Variants in ROBO1 observed in about 807,000 individuals in gnomAD.
The protein encoded by ROBO1 is roundabout guidance receptor 1.
A neutral mutation model predicts 195.9 loss-of-function variants in ROBO1; 149 were observed. The ratio of observed to expected loss-of-function variants is 0.76; its 90% CI spans 0.67 to 0.87. The LOEUF is 0.87. Among genes scored for constraint, ROBO1 ranks in the 40% least tolerant of loss-of-function variants. The pLI, the probability that ROBO1 is intolerant of heterozygous loss-of-function variation, is 0.00. For synonymous variants in ROBO1, 816 were observed against 733.2 expected, an observed-to-expected ratio of 1.11 and a Z score of -1.82; for missense variants, 1,933 against 2,068.3, an observed-to-expected ratio of 0.93 and a Z score of 1.27.
At chr3:79,165,618 G>A (rs1034329366) in intron 2 of ROBO1, among the ~76,000 whole-genome samples, 1 of 152,170 alleles carries the variant, frequency 6.6e-6, no homozygotes, top group Non-Finnish European at 1.5e-5. Flanking sequence ...TGAAAGAACG[G>A]AATTTCCCCT....
At chr3:79,128,740 T>A (rs1389588263) in intron 2 of ROBO1, among the ~76,000 whole-genome samples, 4 of 152,194 alleles carry the variant, frequency 2.6e-5, no homozygotes, top group African/African-American at 9.6e-5. Context: ...CTTGTGAATT[T>A]AGTGGCCATT....
intron 18 of ROBO1, among the ~76,000 whole-genome samples, chr3:78,654,593 C>T (rs1282193049): frequency 6.6e-6 from 1 of 152,106 alleles, no homozygotes; most frequent in Admixed American, 6.5e-5. Flanking sequence ...AAGAGAGGTC[C>T]TATGCAAGCA....
chr3:79,639,429 A>G (rs925166574), intron 1 of ROBO1, among the ~76,000 whole-genome samples: 10 of 152,192 alleles, frequency 6.6e-5, no homozygotes, highest in Admixed American at 2.6e-4. Context: ...TGTAAGAAGA[A>G]AGAACATTTT....
At chr3:78,681,334 A>G (rs542816845) in intron 10 of ROBO1, among the ~76,000 whole-genome samples, 1 of 152,224 alleles carries the variant, frequency 6.6e-6, no homozygotes, top group South Asian at 2.1e-4. Flanking sequence ...AAAGTATAAT[A>G]ATAAAAAAAA....
chr3:79,222,477 T>A (rs957079791), intron 2 of ROBO1, among the ~76,000 whole-genome samples: 13 of 152,062 alleles, frequency 8.5e-5, no homozygotes, highest in African/African-American at 3.1e-4. Context: ...CCATTCAAAA[T>A]AAAATGCTGA....
rs933424172 is a variant in ROBO1, at chr3:79,076,830, C to T, written c.172+48626G>A. Among the ~76,000 whole-genome samples the T allele has an allele frequency of 2.8e-4, 43 of 151,540 alleles. 1 individual carries two copies. The highest frequency in any genetic ancestry group is 1.2e-4 in the African/African-American group (5 of 41,310). ...GAGGCCTTTTATTATTAATAGATAA[C>T]GTTGTAGAGGGAAATTCAAGTTTTG... On this transcript the variant is annotated intron_variant, in intron 3 of 30. Coordinates refer to ENST00000464233, the MANE Select transcript of ROBO1 (RefSeq NM_002941.4).
intron 27 of ROBO1, among the ~76,000 whole-genome samples, chr3:78,615,877 C>T (rs1008760836): frequency 3.3e-5 from 5 of 152,128 alleles, no homozygotes; most frequent in African/African-American, 9.6e-5. Flanking sequence ...TGACAAGCAC[C>T]GTCATTCCCT....
chr3:79,702,486 TC>T lies in ROBO1; in HGVS notation c.-51+65265del, dbSNP rs1175610573. On this transcript the variant is annotated intron_variant, in intron 1 of 30. Coordinates refer to ENST00000464233, the MANE Select transcript of ROBO1 (RefSeq NM_002941.4). Reference sequence around the variant, plus strand: ...TTTCTGATCCATTGAAGGTCACTGATCCCCTCAGTTCACAACAGCATACCTG... The same window carrying T: ...TTTCTGATCCATTGAAGGTCACTGATCCCTCAGTTCACAACAGCATACCTG... Among the ~76,000 whole-genome samples the T allele has an allele frequency of 2.6e-5, 4 of 151,964 alleles. No homozygotes were observed. The South Asian group carries it at 8.3e-4, about 31-fold the overall frequency.
intron 4 of ROBO1, among the ~76,000 whole-genome samples, chr3:78,748,001 T>C (rs369469329): frequency 6.6e-6 from 1 of 152,166 alleles, no homozygotes; most frequent in Non-Finnish European, 1.5e-5. Context: ...CAAAGTCCAA[T>C]AGTTATCATT....
chr3:79,564,252 G>A (rs1943019387), intron 2 of ROBO1, among the ~76,000 whole-genome samples: 2 of 152,018 alleles, frequency 1.3e-5, no homozygotes, highest in Admixed American at 1.3e-4. Context: ...GTGTGCATTG[G>A]TTCTGTCAAA....
chr3:78,634,449 A>G, intron 23 of ROBO1: 1 of 288,450 alleles, frequency 3.5e-6, no homozygotes, highest in Non-Finnish European at 7.5e-6. Context: ...TGAAAATCCA[A>G]ATGATAAGCT....
At chr3:78,910,102 G>C (rs2038157330) in intron 4 of ROBO1, among the ~76,000 whole-genome samples, 1 of 151,674 alleles carries the variant, frequency 6.6e-6, no homozygotes, top group African/African-American at 2.4e-5. Flanking sequence ...ATTACTTAAG[G>C]ATAAAGGATT....
chr3:78,678,208 C>T (rs1240966914), intron 10 of ROBO1, among the ~76,000 whole-genome samples: 4 of 151,184 alleles, frequency 2.6e-5, no homozygotes, highest in Admixed American at 2.0e-4. Context: ...ACTAAATGCC[C>T]ACAAGAGAAA....
intron 3 of ROBO1, among the ~76,000 whole-genome samples, chr3:79,070,899 TGA>T (rs1311720397): frequency 6.6e-6 from 1 of 151,840 alleles, no homozygotes; most frequent in African/African-American, 2.4e-5. Flanking sequence ...CTTTTTATAC[TGA>T]CTTTTAAAAT....
At chr3:79,240,877 A>G (rs1300078988) in intron 2 of ROBO1, among the ~76,000 whole-genome samples, 1 of 152,066 alleles carries the variant, frequency 6.6e-6, no homozygotes, top group Non-Finnish European at 1.5e-5. Flanking sequence ...TCCTGGGTTC[A>G]AGTGAACCTC....
intron 2 of ROBO1, among the ~76,000 whole-genome samples, chr3:79,458,216 A>C (rs925422146): frequency 3.9e-5 from 6 of 152,198 alleles, no homozygotes; most frequent in African/African-American, 1.4e-4. Context: ...TTTTCAGCAC[A>C]ATGAGATTTA....
At chr3:79,121,376 G>A (rs887276650) in intron 3 of ROBO1, among the ~76,000 whole-genome samples, 8 of 151,872 alleles carry the variant, frequency 5.3e-5, no homozygotes, top group African/African-American at 1.9e-4. Context: ...CAAGGTTTTG[G>A]GATTGGATTC....
rs79851826 is a variant in ROBO1 at position 79,206,223 on chromosome 3, T to A, written c.89-80684A>T. ...ATTCACTTAGTAGCCATCTTGGTTA[T>A]CAGATTGACTGTCATGGGATTGTAG... On this transcript the variant is annotated intron_variant, in intron 2 of 30. Transcript: ENST00000464233. Among the ~76,000 whole-genome samples the A allele has an allele frequency of 8.9e-4, 136 of 152,260 alleles. 4 individuals are homozygous for A. The East Asian group carries it at 0.024, about 27-fold the overall frequency.
At chr3:78,870,434 T>C (rs2035478017) in intron 4 of ROBO1, among the ~76,000 whole-genome samples, 1 of 152,194 alleles carries the variant, frequency 6.6e-6, no homozygotes, top group South Asian at 2.1e-4. Flanking sequence ...TCCTGCAGAT[T>C]GAAGCATCTC....
Sources: allele counts gnomAD v4.1 joint callset (sites outside exome capture counted in the v4.1 genomes callset), GRCh38; gene constraint gnomAD v4.1.1; transcripts MANE v1.5; gene names NCBI Gene and HGNC (gene_info 2026-07-23, HGNC 2026-07-21).